The following RYR3 variants were observed in gnomAD, a reference collection of about 807,000 sequenced individuals.
The protein encoded by RYR3 is ryanodine receptor 3.
A neutral mutation model predicts 584.3 loss-of-function variants in RYR3; 207 were observed. The ratio of observed to expected loss-of-function variants is 0.35; its 90% CI spans 0.32 to 0.40. RYR3 has a LOEUF of 0.40. Ranked by LOEUF, RYR3 falls within the 10% of genes least tolerant of loss-of-function variation. RYR3 has a pLI of 1.00. For missense variants in RYR3, 5,616 were observed against 6,089.2 expected, an observed-to-expected ratio of 0.92 and a Z score of 2.59; for synonymous variants, 2,416 against 2,248.5, an observed-to-expected ratio of 1.07 and a Z score of -2.11.
intron 1 of RYR3, among the ~76,000 whole-genome samples, chr15:33,429,723 C>G (rs2044961171): frequency 6.6e-6 from 1 of 152,164 alleles, no homozygotes; most frequent in African/African-American, 2.4e-5. Context: ...TTATTGAGAA[C>G]TGTTAAGCAC....
intron 38 of RYR3, among the ~76,000 whole-genome samples, chr15:33,677,253 G>A (rs961511984): frequency 6.6e-6 from 1 of 152,174 alleles, no homozygotes; most frequent in African/African-American, 2.4e-5. Context: ...AGGGAAGCAT[G>A]GATGTTTAGG....
chr15:33,821,648 A>G (rs1318142115), intron 80 of RYR3, 46 bp downstream of exon 80: 2 of 1,557,016 alleles, frequency 1.3e-6, no homozygotes, highest in African/African-American at 2.7e-5. Flanking sequence ...GGGTATTCCC[A>G]TTTGACACCT....
chr15:33,796,337 T>G (rs777529178), intron 67 of RYR3, among the ~76,000 whole-genome samples: 3 of 152,156 alleles, frequency 2.0e-5, no homozygotes, highest in Admixed American at 2.0e-4. Context: ...TTTCACCATG[T>G]TGGTCAAGCT....
chr15:33,666,847 A>T (rs555411769), intron 36 of RYR3, among the ~76,000 whole-genome samples: 1 of 152,314 alleles, frequency 6.6e-6, no homozygotes, highest in South Asian at 2.1e-4. Flanking sequence ...AATTCAGCTC[A>T]ACCCAGCTTT....
chr15:33,379,687 C>CTATA (rs1555448829), intron 1 of RYR3, among the ~76,000 whole-genome samples: 2,398 of 125,462 alleles, frequency 0.019, 46 homozygotes, highest in Middle Eastern at 0.029. Context: ...CTCTCTCTCT[C>CTATA]TATATATATA....
chr15:33,650,862 A>G (rs571685059), intron 31 of RYR3, among the ~76,000 whole-genome samples: 17 of 152,388 alleles, frequency 1.1e-4, no homozygotes, highest in African/African-American at 4.1e-4. Flanking sequence ...CTGTATAATT[A>G]TTATTCCCAT....
chr15:33,858,015 C>A, intron 99 of RYR3, 101 bp downstream of exon 99: 2 of 1,461,488 alleles, frequency 1.4e-6, no homozygotes, highest in Admixed American at 2.0e-5. Context: ...CTCTTGAGAA[C>A]TGTAGAGTTA....
chr15:33,738,440 C>T lies in RYR3; in HGVS notation c.7516-10C>T, dbSNP rs747693615. ...CACCCCGCTGGTCTGTCCTGTTCTGCACCTCCCAGCTTCTGACGAATCACT... is the reference window on the plus strand; with the variant it reads ...CACCCCGCTGGTCTGTCCTGTTCTGTACCTCCCAGCTTCTGACGAATCACT... On this transcript the variant is annotated splice_polypyrimidine_tract_variant and intron_variant, in intron 49 of 103. Transcript: ENST00000634891. 6.2e-6 allele frequency: 10 copies of T among 1,609,698 alleles called. No homozygotes were observed. The Admixed American group carries it at 1.7e-4, about 27-fold the overall frequency.
intron 2 of RYR3, among the ~76,000 whole-genome samples, chr15:33,482,128 G>A (rs2050030509): frequency 1.3e-5 from 2 of 151,984 alleles, no homozygotes; most frequent in Admixed American, 6.5e-5. Context: ...CTTCAGATCT[G>A]CTGGGGACAA....
chr15:33,383,416 C>A (rs1567135176), intron 1 of RYR3, among the ~76,000 whole-genome samples: 1 of 151,242 alleles, frequency 6.6e-6, no homozygotes, highest in Non-Finnish European at 1.5e-5. Flanking sequence ...ACTGGTGATC[C>A]CTGTTGGCAT....
intron 1 of RYR3, among the ~76,000 whole-genome samples, chr15:33,408,331 G>C (rs1018714262): frequency 2.8e-4 from 42 of 152,120 alleles, no homozygotes. Flanking sequence ...TAAAGGACAC[G>C]GTTTTGTTCT....
In RYR3 at chr15:33,816,863, C is replaced by G. The variant is rs1440895803; in HGVS notation, c.10504C>G (p.His3502Asp). 1.1e-5 allele frequency: 18 copies of G among 1,609,486 alleles called. No individual in the cohort carries two copies. The highest frequency in any genetic ancestry group is 1.4e-5 in the Non-Finnish European group (16 of 1,176,736). ...CTCCCTCTCACCCCTTCCGCTCAGG[C>G]ACCGCTCTATTAACCTCTTCCTCCA... ...RMAPLYNLPR[H>D]RSINLFLHGY... is the part of the protein sequence containing the mutation. Residue 3502 changes from histidine (H) to aspartate (D), a missense_variant and splice_region_variant, in exon 75 of 104, where the codon CAC becomes GAC. Around this residue, in one of 9 missense-constraint regions of RYR3, gnomAD observed 954 missense variants for 1,132.2 expected, o/e 0.84. Transcript: ENST00000634891.
Position 33,853,661 on chromosome 15 carries a change from A to G in RYR3, c.13778A>G (p.Glu4593Gly). Residue 4593 changes from glutamate (E) to glycine (G), a missense_variant, in exon 96 of 104, where the codon GAA becomes GGA. Around this residue, in one of 9 missense-constraint regions of RYR3, gnomAD observed 918 missense variants for 887.4 expected, o/e 1.03. Coordinates refer to ENST00000634891, the MANE Select transcript of RYR3 (RefSeq NM_001036.6). Reference protein sequence around the residue: ...DFSPVEETKAEAASLVSWLSS... With the variant: ...DFSPVEETKAGAASLVSWLSS... ...AGCCCAGTAGAAGAGACCAAAGCAG[A>G]AGCGGCTTCTCTGGTGTCATGGTAC... 6.2e-7 allele frequency: 1 copy of G among 1,613,870 alleles called. No homozygotes were observed. The highest frequency in any genetic ancestry group is 8.5e-7 in the Non-Finnish European group (1 of 1,179,830).
intron 96 of RYR3, among the ~76,000 whole-genome samples, chr15:33,854,066 G>T (rs2079382510): frequency 6.6e-6 from 1 of 151,850 alleles, no homozygotes; most frequent in Non-Finnish European, 1.5e-5. Flanking sequence ...CGTGGTGGTG[G>T]GCACCTGTAG....
rs191714742 is a variant in RYR3 at position 33,659,776 on chromosome 15, T to G, written c.4365T>G (p.Ser1455=). 72 of 1,612,690 alleles carry G rather than the reference T, an allele frequency of 4.5e-5. No homozygotes were observed. The East Asian group carries it at 1.6e-3, about 36-fold the overall frequency. ...TCTTCCTGCAGCCTACAAGTACTTC[T>G]TTGTTTCAGTTTGAACTTGGAAAGC... ...PAVFLQPTST[S]LFQFELGKLK... The change falls in exon 33 of 104, where the codon TCT becomes TCG. Residue 1455 remains serine, a synonymous_variant. Coordinates refer to ENST00000634891, the MANE Select transcript of RYR3 (RefSeq NM_001036.6).
intron 43 of RYR3, among the ~76,000 whole-genome samples, chr15:33,710,233 C>G (rs1380944492): frequency 6.6e-6 from 1 of 152,034 alleles, no homozygotes; most frequent in East Asian, 1.9e-4. Context: ...CTGGTGAAGC[C>G]TCAGGGAGCT....
intron 1 of RYR3, among the ~76,000 whole-genome samples, chr15:33,403,833 C>T (rs1184327561): frequency 1.3e-5 from 2 of 152,176 alleles, no homozygotes. Context: ...TTTGAAATAT[C>T]TTTCCTCTTA....
At chr15:33,835,292 C>T (rs1260711950) in intron 87 of RYR3, among the ~76,000 whole-genome samples, 1 of 140,298 alleles carries the variant, frequency 7.1e-6, no homozygotes, top group Non-Finnish European at 1.5e-5. Context: ...ACGCAGCTTC[C>T]TTCTTTGTGT....
At chr15:33,829,168 GA>G (rs34649465) in intron 85 of RYR3, among the ~76,000 whole-genome samples, 36,694 of 147,502 alleles carry the variant, frequency 0.25, 4,585 homozygotes, top group Middle Eastern at 0.41. Context: ...CAACTGCTCA[GA>G]AAAAAAAAAA....
Sources: gnomAD v4.1 joint callset for allele counts (sites outside exome capture counted in the v4.1 genomes callset) on GRCh38, gnomAD v4.1.1 for gene constraint, gnomAD v4.1.1 regional missense constraint, MANE v1.5 for transcripts, NCBI Gene and HGNC (gene_info 2026-07-23, HGNC 2026-07-21) for gene names.